Variants in CLCN4 observed in about 807,000 individuals in gnomAD.
CLCN4 encodes the protein H(+)/Cl(-) exchange transporter 4.
CLCN4 carries 1 observed loss-of-function variant against 41.7 expected under a neutral mutation model. The ratio of observed to expected loss-of-function variants is 0.02; its 90% CI spans 0.01 to 0.11. The LOEUF (loss-of-function observed/expected upper bound fraction) is 0.11, where lower values mean the gene tolerates loss of function less well. CLCN4 is among the 10% of genes least tolerant of loss of function. CLCN4 has a pLI of 1.00. For missense variants in CLCN4, 287 were observed against 661.0 expected, an observed-to-expected ratio of 0.43 and a Z score of 6.20; for synonymous variants, 277 against 285.8, an observed-to-expected ratio of 0.97 and a Z score of 0.31.
Position 10,233,741 on chromosome X carries a change from C to T in CLCN4, c.*157C>T. ...GGAAGAAGGATGAAACCTTTAAAAA[C>T]AAAAACAAAAACATCAATGAGTAGG... On this transcript the variant is annotated 3_prime_UTR_variant, in exon 13 of 13. Transcript: ENST00000380833. 2.3e-6 allele frequency: 1 copy of T among 443,138 alleles called. No homozygotes were observed. Among genetic ancestry groups the T allele is most frequent in the Non-Finnish European group, 4.0e-6 (1 of 250,660 alleles). 36.5% of individuals were successfully genotyped at this position (443,138 alleles called of 1,213,427 possible). A position where few individuals can be genotyped will look rare whatever the true frequency, so the allele number is the denominator to read the frequency against.
At chrX:10,198,903 A>G (rs1293744712) in intron 6 of CLCN4, among the ~76,000 whole-genome samples, 1 of 112,212 alleles carries the variant, frequency 8.9e-6, no homozygotes, top group African/African-American at 3.2e-5. Context: ...AGTGGGCTAG[A>G]GAGTTTGAAG....
chrX:10,208,622 A>G (rs1324683586), intron 9 of CLCN4, 32 bp downstream of exon 9: 11 of 1,145,472 alleles, frequency 9.6e-6, no homozygotes, highest in Non-Finnish European at 1.3e-5. Context: ...TGGGGTGGGG[A>G]CCCATGTCCT....
intron 2 of CLCN4, among the ~76,000 whole-genome samples, chrX:10,179,325 G>C (rs1349110491): frequency 9.0e-6 from 1 of 111,618 alleles, no homozygotes; most frequent in Non-Finnish European, 1.9e-5. Flanking sequence ...TGGCTTTTGA[G>C]AGAGGGGCAG....
At chrX:10,205,188 A>G (rs1278595128) in intron 6 of CLCN4, among the ~76,000 whole-genome samples, 2 of 111,432 alleles carry the variant, frequency 1.8e-5, no homozygotes, top group East Asian at 5.6e-4. Context: ...TAAGAAACAA[A>G]ATGGGCCAGT....
rs746135358 is a variant in CLCN4, at chrX:10,188,107, T to TG, written c.244+497dup. On this transcript the variant is annotated intron_variant, in intron 4 of 12. Transcript: ENST00000380833. The stretch of plus-strand genomic sequence containing the variant: ...AATTTTTGTTATTTTTTCATAGAGA[T>TG]GGGGTCTCACTGTGTTGCTCAGGCT... Among the ~76,000 whole-genome samples, 180 of 111,789 alleles carry TG rather than the reference T, an allele frequency of 1.6e-3. 1 individual carries two copies. Among genetic ancestry groups the TG allele is most frequent in the African/African-American group, 5.6e-3 (172 of 30,722 alleles).
chrX:10,182,761 C>T (rs947520816), intron 2 of CLCN4, among the ~76,000 whole-genome samples: 2 of 112,417 alleles, frequency 1.8e-5, no homozygotes, highest in African/African-American at 6.5e-5. Context: ...TCACAATAGA[C>T]ACCAACACCT....
intron 2 of CLCN4, among the ~76,000 whole-genome samples, chrX:10,167,050 C>T (rs1050027752): frequency 8.9e-5 from 10 of 112,543 alleles, no homozygotes; most frequent in South Asian, 3.7e-4. Flanking sequence ...GGGGCAGGGC[C>T]GGGGCCGGGG....
Position 10,187,632 on chromosome X carries a change from C to A in CLCN4, c.244+18C>A, listed in dbSNP as rs763425301. ...GCTGGCGGGTACGTGGATGGGCATG[C>A]GGCACTCCCGTGGGAAGCTGCAGAG... is the stretch of plus-strand genomic sequence containing the variant. On this transcript the variant is annotated intron_variant, in intron 4 of 12. Coordinates refer to ENST00000380833, the MANE Select transcript of CLCN4 (RefSeq NM_001830.4). The A allele has an allele frequency of 1.0e-5, 12 of 1,151,832 alleles. No homozygotes were observed. Among genetic ancestry groups the A allele is most frequent in the Non-Finnish European group, 1.4e-5 (12 of 842,557 alleles). The allele number at this position is 1,151,832 out of a possible 1,213,427, so 94.9% of individuals were successfully genotyped here.
chrX:10,160,202 G>A (rs2147154909), intron 2 of CLCN4, among the ~76,000 whole-genome samples: 1 of 111,398 alleles, frequency 9.0e-6, no homozygotes, highest in South Asian at 3.8e-4. Context: ...AGATGATCTC[G>A]AAATATTCTT....
At chrX:10,158,840 G>C (rs777758102) in intron 2 of CLCN4, among the ~76,000 whole-genome samples, 2 of 113,613 alleles carry the variant, frequency 1.8e-5, no homozygotes, top group South Asian at 7.1e-4. Flanking sequence ...AACCGCTCCG[G>C]CGGGGGAACA....
rs1022883437 is a variant in CLCN4 at position 10,237,571 on chromosome X, G to A, written c.*3987G>A. On this transcript the variant is annotated 3_prime_UTR_variant, in exon 13 of 13. Transcript: ENST00000380833. ...TGGTTTTTTTTTATTGTAACACTCT[G>A]TGTAAACGTTGACACCTTATTAAAT... 3 of 111,568 alleles carry A rather than the reference G, an allele frequency of 2.7e-5. No homozygotes were observed. The highest frequency in any genetic ancestry group is 5.6e-5 in the Non-Finnish European group (3 of 53,164). The allele number at this position is 111,568 out of a possible 1,213,427, so 9.2% of individuals were successfully genotyped here.
intron 2 of CLCN4, among the ~76,000 whole-genome samples, chrX:10,166,087 C>G: frequency 8.9e-6 from 1 of 111,938 alleles, no homozygotes; most frequent in East Asian, 2.8e-4. Context: ...GAAGGGAAGG[C>G]CAGGCTGTGG....
At chrX:10,168,081 C>G (rs928432598) in intron 2 of CLCN4, among the ~76,000 whole-genome samples, 1 of 111,779 alleles carries the variant, frequency 8.9e-6, no homozygotes, top group Non-Finnish European at 1.9e-5. Context: ...AAGTTTAGGT[C>G]TATTGATGAT....
At chrX:10,217,888 G>T (rs952815384) in intron 11 of CLCN4, among the ~76,000 whole-genome samples, 2 of 110,477 alleles carry the variant, frequency 1.8e-5, no homozygotes, top group Non-Finnish European at 3.8e-5. Context: ...GACTACAGGC[G>T]CATGCCACCA....
At chrX:10,166,471 C>T (rs981578112) in intron 2 of CLCN4, among the ~76,000 whole-genome samples, 2 of 111,353 alleles carry the variant, frequency 1.8e-5, no homozygotes, top group African/African-American at 3.3e-5. Flanking sequence ...GTAGGAGAAA[C>T]GTGGCCCCCA....
chrX:10,167,650 G>A (rs1188678021), intron 2 of CLCN4, among the ~76,000 whole-genome samples: 1 of 112,530 alleles, frequency 8.9e-6, no homozygotes. Flanking sequence ...GACATTCAGG[G>A]TATCCTGTGG....
intron 9 of CLCN4, among the ~76,000 whole-genome samples, chrX:10,211,807 C>G (rs1924561246): frequency 8.9e-6 from 1 of 112,118 alleles, no homozygotes. Flanking sequence ...ACGCTGGTAC[C>G]AAGATCTCTT....
intron 12 of CLCN4, among the ~76,000 whole-genome samples, chrX:10,221,259 C>A (rs563387779): frequency 6.3e-5 from 7 of 111,782 alleles, no homozygotes; most frequent in African/African-American, 2.3e-4. Context: ...GCAAAAAGTG[C>A]TCCATGCAAA....
intron 2 of CLCN4, among the ~76,000 whole-genome samples, chrX:10,164,394 G>T (rs1244649733): frequency 8.9e-6 from 1 of 112,087 alleles, no homozygotes; most frequent in Non-Finnish European, 1.9e-5. Flanking sequence ...CCTGGAACTG[G>T]CAGTTGTGGT....
Sources: allele counts gnomAD v4.1 joint callset (sites outside exome capture counted in the v4.1 genomes callset), GRCh38; gene constraint gnomAD v4.1.1; transcripts MANE v1.5; gene names NCBI Gene and HGNC (gene_info 2026-07-23, HGNC 2026-07-21).